The following COQ9 variants were observed in gnomAD, a reference collection of about 807,000 sequenced individuals.
COQ9 encodes coenzyme Q9, also known as ubiquinone biosynthesis protein COQ9, mitochondrial.
COQ9 carries 35 observed loss-of-function variants against 42.4 expected under a neutral mutation model. The ratio of observed to expected loss-of-function variants is 0.83; its 90% confidence interval spans 0.63 to 1.10. COQ9 has a LOEUF of 1.10. Ranked by LOEUF, COQ9 falls within the 50% of genes least tolerant of loss-of-function variation. The probability of loss-of-function intolerance (pLI) is 0.00; values close to 1 mark genes in which losing one functional copy is unlikely to be tolerated. For synonymous variants in COQ9, 155 were observed against 155.1 expected, an observed-to-expected ratio of 1.00 and a Z score of 0.00; for missense variants, 406 against 414.6, an observed-to-expected ratio of 0.98 and a Z score of 0.18.
At chr16:57,458,132 C>T in intron 5 of COQ9, 114 bp from the exon 6 acceptor site, 1 of 784,166 alleles carries the variant, frequency 1.3e-6, no homozygotes, top group South Asian at 1.5e-5. Context: ...ATGCTGGTCT[C>T]AGAGAACCAG....
At position 57,451,133 on chromosome 16, in the gene COQ9, A is replaced by G. The variant is rs369373297; in HGVS notation, c.167A>G (p.Asn56Ser). Residue 56 changes from asparagine (N) to serine (S), a missense_variant, in exon 2 of 9, where the codon AAC (asparagine) becomes AGC (serine). Coordinates refer to ENST00000262507, the MANE Select transcript of COQ9 (RefSeq NM_020312.4). ...GATGAGCAGAAGCAGCAGCCTCCCA[A>G]CTCATTTTCTCAGCAGCATTCTGAG... ...SSDEQKQQPP[N>S]SFSQQHSETQ... 5 of 1,614,058 alleles carry G rather than the reference A, an allele frequency of 3.1e-6. No homozygotes were observed. The East Asian group carries it at 6.7e-5, about 22-fold the overall frequency.
Position 57,458,330 on chromosome 16 carries a change from G to T in COQ9, c.691G>T (p.Ala231Ser), listed in dbSNP as rs368375933. 1.9e-4 allele frequency: 307 copies of T among 1,612,256 alleles called. No homozygotes were observed. The South Asian group carries it at 3.2e-3, about 17-fold the overall frequency. The change falls in exon 6 of 9, where the codon GCT (alanine) becomes TCT (serine). Residue 231 changes from alanine (A) to serine (S), a missense_variant. Transcript: ENST00000262507. The part of the protein sequence containing the change: ...TSMVDDMWHY[A>S]GDQSTDFNWY... ...CATGGTGGATGACATGTGGCATTAC[G>T]CTGGGGACCAGTCCACTGATGTGAG...
intron 1 of COQ9, among the ~76,000 whole-genome samples, chr16:57,450,111 G>A (rs1325030056): frequency 6.6e-6 from 1 of 152,176 alleles, no homozygotes; most frequent in Non-Finnish European, 1.5e-5. Context: ...TTCAATTTGC[G>A]TGTTTGAAAA....
chr16:57,459,527 T>G, intron 6 of COQ9, 38 bp from the exon 7 acceptor site: 1 of 1,613,318 alleles, frequency 6.2e-7, no homozygotes, highest in Non-Finnish European at 8.5e-7. Context: ...GCCTCAGACT[T>G]GCACCAGCCC....
At position 57,451,213 on chromosome 16, in the gene COQ9, G is replaced by A. The variant is rs377352007; in HGVS notation, c.242+5G>A. On this transcript the variant is annotated splice_donor_5th_base_variant and intron_variant, in intron 2 of 8. Coordinates refer to ENST00000262507, the MANE Select transcript of COQ9 (RefSeq NM_020312.4). ...GTCTTCTCATTCACCCCCCAGGTAGGCACCAATCCACCTATTTCTGGCCAC... is the reference window on the plus strand; with the variant it reads ...GTCTTCTCATTCACCCCCCAGGTAGACACCAATCCACCTATTTCTGGCCAC... 6.3e-5 allele frequency: 101 copies of A among 1,613,998 alleles called. No homozygotes were observed. Among genetic ancestry groups the A allele is most frequent in the African/African-American group, 9.3e-5 (7 of 74,920 alleles).
At chr16:57,456,331 A>C (rs921857196) in intron 3 of COQ9, 173 bp from the exon 4 acceptor site, 1 of 693,348 alleles carries the variant, frequency 1.4e-6, no homozygotes, top group African/African-American at 1.8e-5. Context: ...ACACACACCA[A>C]GGGGCTTTGC....
At chr16:57,457,084 C>T in intron 5 of COQ9, 69 bp downstream of exon 5, 1 of 1,193,618 alleles carries the variant, frequency 8.4e-7, no homozygotes, top group Non-Finnish European at 1.2e-6. Flanking sequence ...GCACCTTTCA[C>T]TCAGATGACT....
At position 57,458,296 on chromosome 16, in the gene COQ9, G is replaced by T. The variant is rs769161531; in HGVS notation, c.657G>T (p.Leu219=). 1.9e-6 allele frequency: 3 copies of T among 1,612,882 alleles called. No individual in the cohort carries two copies. The highest frequency in any genetic ancestry group is 1.7e-6 in the Non-Finnish European group (2 of 1,179,472). The change falls in exon 6 of 9, where the codon CTG becomes CTT. Residue 219 remains leucine (L), a synonymous_variant. Coordinates refer to ENST00000262507, the MANE Select transcript of COQ9 (RefSeq NM_020312.4). ...ACAACATCCCGTCCAGCCTGAGCCT[G>T]CTCACCAGCATGGTGGATGACATGT... The part of the protein sequence containing the change: ...LPHNIPSSLS[L]LTSMVDDMWH...
At chr16:57,460,510 G>T (rs1322219351) in intron 8 of COQ9, 79 bp from the exon 9 acceptor site, 2 of 1,364,470 alleles carry the variant, frequency 1.5e-6, no homozygotes, top group Non-Finnish European at 2.1e-6. Flanking sequence ...AAGAGAAAAA[G>T]AAAAGCTAGG....
Position 57,451,052 on chromosome 16 carries a change from G to T in COQ9, c.86G>T (p.Arg29Leu). 6.2e-7 allele frequency: 1 copy of T among 1,613,976 alleles called. No homozygotes were observed. The highest frequency in any genetic ancestry group is 8.5e-7 in the Non-Finnish European group (1 of 1,180,026). ...GTTTCTGTTTCAGTGGCCCGTTGCC[G>T]ACAAGCCCTGGTGCCGCGTGCCTTC... ...QLRCLPVARC[R>L]QALVPRAFHA... The change falls in exon 2 of 9, where the codon CGA (arginine) becomes CTA (leucine). Residue 29 changes from arginine to leucine, a missense_variant. Coordinates refer to ENST00000262507, the MANE Select transcript of COQ9 (RefSeq NM_020312.4).
rs534227846 is a variant in COQ9, at chr16:57,453,445, A to G, written c.378+509A>G. On this transcript the variant is annotated intron_variant, in intron 3 of 8. Coordinates refer to ENST00000262507, the MANE Select transcript of COQ9 (RefSeq NM_020312.4). Reference sequence around the variant, plus strand: ...CAGAAACTCTAATAGCATTTTCTGCATTAGTACAGACTGCTGCTTTAGATT... The same window carrying G: ...CAGAAACTCTAATAGCATTTTCTGCGTTAGTACAGACTGCTGCTTTAGATT... 6.9e-4 allele frequency: 176 copies of G among 255,134 alleles called. 1 individual carries two copies. The highest frequency in any genetic ancestry group is 5.2e-3 in the South Asian group (111 of 21,444). 15.8% of individuals were successfully genotyped at this position (255,134 alleles called of 1,614,324 possible).
At chr16:57,456,782 A>C in intron 4 of COQ9, 136 bp downstream of exon 4, 1 of 1,346,570 alleles carries the variant, frequency 7.4e-7, no homozygotes, top group South Asian at 1.2e-5. Context: ...CTGTGATGGG[A>C]CTGAAACCTG....
intron 1 of COQ9, among the ~76,000 whole-genome samples, chr16:57,449,439 A>G (rs2030230989): frequency 6.6e-6 from 1 of 152,102 alleles, no homozygotes; most frequent in African/African-American, 2.4e-5. Context: ...CAAGGAGAGA[A>G]TCTTTGCCAG....
In COQ9 at chr16:57,460,921, C is replaced by G; in HGVS notation, c.*297C>G. 2.4e-6 allele frequency: 1 copy of G among 419,142 alleles called. No homozygotes were observed. The highest frequency in any genetic ancestry group is 4.5e-6 in the Non-Finnish European group (1 of 222,242). The allele number at this position is 419,142 out of a possible 1,614,324, so 26.0% of individuals were successfully genotyped here. On this transcript the variant is annotated 3_prime_UTR_variant, in exon 9 of 9. Coordinates refer to ENST00000262507, the MANE Select transcript of COQ9 (RefSeq NM_020312.4). Reference sequence around the variant, plus strand: ...CATCCAAGCAGTCAAGCCACAGAAACCCAGCATGTCCCTGTCACAATCTCA... The same window carrying G: ...CATCCAAGCAGTCAAGCCACAGAAAGCCAGCATGTCCCTGTCACAATCTCA...
rs77136746 is a variant in COQ9, at chr16:57,456,870, G to A, written c.522-61G>A. On this transcript the variant is annotated intron_variant, in intron 4 of 8. Transcript: ENST00000262507. The stretch of plus-strand genomic sequence containing the variant: ...CCTCCTCCCTAGGGCTGAGTAAACC[G>A]TGGAGCACTGAGCCCCTGCCTTTCA... 493 of 1,470,506 alleles carry A rather than the reference G, an allele frequency of 3.4e-4. 8 individuals are homozygous for A. The East Asian group carries it at 0.011, about 32-fold the overall frequency. The allele number at this position is 1,470,506 out of a possible 1,614,324, so 91.1% of individuals were successfully genotyped here.
chr16:57,455,543 C>CT (rs770756066), intron 3 of COQ9, among the ~76,000 whole-genome samples: 63 of 151,958 alleles, frequency 4.1e-4, no homozygotes, highest in Non-Finnish European at 7.1e-4. Flanking sequence ...CCGTCAAAGT[C>CT]TAAGTCAGAG....
rs2146594637 is a variant in COQ9 at position 57,461,036 on chromosome 16, A to T, written c.*412A>T. ...TGACGCCACCTCAAGGTGACAGCTC[A>T]TCTCCAGCACAGCACAGGCGTGTGC... On this transcript the variant is annotated 3_prime_UTR_variant, in exon 9 of 9. Transcript: ENST00000262507. 1 of 378,008 alleles carries T rather than the reference A, an allele frequency of 2.6e-6. No homozygotes were observed. The highest frequency in any genetic ancestry group is 9.1e-4 in the Middle Eastern group (1 of 1,100). 23.4% of individuals were successfully genotyped at this position (378,008 alleles called of 1,614,324 possible).
In COQ9 at chr16:57,447,536, G is replaced by A. The variant is rs573984134; in HGVS notation, c.31G>A (p.Gly11Ser). MAAAAVSGAL[G>S]RAGWRLLQLR... ...GGCGGCGGCGGTATCTGGTGCGCTT[G>A]GCCGGGCGGGCTGGAGGCTCCTGCA... The change falls in exon 1 of 9, where the codon GGC (glycine) becomes AGC (serine). Residue 11 changes from glycine to serine, a missense_variant. Gly to Ser is a moderately conservative substitution (Grantham distance 56). Coordinates refer to ENST00000262507, the MANE Select transcript of COQ9 (RefSeq NM_020312.4). 3 of 1,309,562 alleles carry A rather than the reference G, an allele frequency of 2.3e-6. No individual in the cohort carries two copies. Among genetic ancestry groups the A allele is most frequent in the Non-Finnish European group, 2.0e-6 (2 of 1,023,624 alleles). 81.1% of individuals were successfully genotyped at this position (1,309,562 alleles called of 1,614,324 possible). A position where few individuals can be genotyped will look rare whatever the true frequency, so the allele number is the denominator to read the frequency against.
At chr16:57,452,225 G>A (rs2030305328) in intron 2 of COQ9, among the ~76,000 whole-genome samples, 1 of 152,210 alleles carries the variant, frequency 6.6e-6, no homozygotes, top group Non-Finnish European at 1.5e-5. Context: ...TGTGCTAAGG[G>A]CTGAAAACAG....
Sources: allele counts gnomAD v4.1 joint callset (sites outside exome capture counted in the v4.1 genomes callset), GRCh38; gene constraint gnomAD v4.1.1; transcripts MANE v1.5; gene names NCBI Gene and HGNC (gene_info 2026-07-23, HGNC 2026-07-21).